Variants in GSE1 observed in about 807,000 individuals in gnomAD.
GSE1 encodes the protein Gse1 coiled-coil protein, also known as genetic suppressor element 1.
Under a neutral mutation model 112.6 loss-of-function variants are expected in GSE1, and 32 were observed. The observed-to-expected ratio is 0.28, with a 90% CI of 0.21 to 0.38. The LOEUF (loss-of-function observed/expected upper bound fraction) is 0.38. GSE1 is among the 10% of genes least tolerant of loss of function. GSE1 has a pLI of 1.00. For missense variants in GSE1, 2,348 were observed against 1,699.2 expected (o/e 1.38, Z -6.71); for synonymous variants, 1,115 against 735.6 (o/e 1.52, Z -8.35).
At chr16:85,552,998 A>G (rs1352991247), upstream of GSE1, among the ~76,000 whole-genome samples, 1 of 152,226 alleles carries the variant, frequency 6.6e-6, no homozygotes, top group Non-Finnish European at 1.5e-5. Context: ...AAAAACCAAT[A>G]TAAGAATGAC....
intron 2 of GSE1, among the ~76,000 whole-genome samples, chr16:85,440,202 A>G (rs1208306040): frequency 1.3e-5 from 2 of 152,216 alleles, no homozygotes; most frequent in Admixed American, 6.5e-5. Context: ...CACCGGGACC[A>G]GTGGGGTCTG....
In GSE1 at chr16:85,370,026, G is replaced by T. The variant is rs555332326; in HGVS notation, c.2464+12383G>T. Among the ~76,000 whole-genome samples the T allele has an allele frequency of 2.0e-5, 3 of 152,280 alleles. No homozygotes were observed. In the South Asian group the frequency reaches 6.2e-4, roughly 32 times the overall value. ...AGGGTGGCCTCAGTTAGTAACTCCC[G>T]AGTTTAGAGCTGGGAGGGCAGCCCT... On this transcript the variant is annotated intron_variant, in intron 2 of 2. Transcript: ENST00000637419.
intron 1 of GSE1, among the ~76,000 whole-genome samples, chr16:85,350,276 T>A (rs1252160266): frequency 6.6e-6 from 1 of 152,174 alleles, no homozygotes; most frequent in Non-Finnish European, 1.5e-5. Flanking sequence ...CAGCTTGGAC[T>A]CAGGCCTACG....
intron 1 of GSE1, among the ~76,000 whole-genome samples, chr16:85,262,399 A>C (rs996223953): frequency 6.6e-6 from 1 of 152,050 alleles, no homozygotes; most frequent in Non-Finnish European, 1.5e-5. Context: ...ATCGCTTTTG[A>C]CAGCTAATTA....
chr16:85,258,887 C>T (rs1301151611), intron 1 of GSE1, among the ~76,000 whole-genome samples: 1 of 152,202 alleles, frequency 6.6e-6, no homozygotes, highest in Non-Finnish European at 1.5e-5. Flanking sequence ...TGCCAACCTC[C>T]CCCCGCCAGC....
intron 2 of GSE1, among the ~76,000 whole-genome samples, chr16:85,447,996 C>A (rs2049561859): frequency 6.6e-6 from 1 of 152,164 alleles, no homozygotes; most frequent in Admixed American, 6.5e-5. Context: ...GATTGCAAAT[C>A]TTAATGGCAG....
chr16:85,437,925 C>T (rs1047970983), intron 2 of GSE1, among the ~76,000 whole-genome samples: 2 of 152,184 alleles, frequency 1.3e-5, no homozygotes, highest in Non-Finnish European at 2.9e-5. Flanking sequence ...GTACCTGCCT[C>T]CCATCATAGG....
At chr16:85,671,129 C>T in intron 15 of GSE1, 31 bp downstream of exon 15, 2 of 1,253,796 alleles carry the variant, frequency 1.6e-6, no homozygotes, top group Non-Finnish European at 2.3e-6. Context: ...AACCTTCAAA[C>T]ACGCAACCTT....
At chr16:85,509,374 A>G (rs575126278) in intron 2 of GSE1, among the ~76,000 whole-genome samples, 12 of 152,196 alleles carry the variant, frequency 7.9e-5, no homozygotes, top group African/African-American at 2.6e-4. Context: ...ACAATGGGGG[A>G]GTGGCTGGCT....
At chr16:85,600,365 G>A (rs1355308980) in intron 1 of GSE1, among the ~76,000 whole-genome samples, 1 of 152,180 alleles carries the variant, frequency 6.6e-6, no homozygotes, top group African/African-American at 2.4e-5. Context: ...GTGGGCCAAG[G>A]GGAGGGGCTG....
intron 13 of GSE1, 114 bp from the exon 14 acceptor site, chr16:85,668,026 G>A (rs1012486635): frequency 5.6e-5 from 43 of 771,442 alleles, no homozygotes; most frequent in Non-Finnish European, 7.4e-5. Context: ...CTTGGTCCCC[G>A]GAGCCCTGCA....
At chr16:85,287,712 C>T (rs986515973) in intron 1 of GSE1, among the ~76,000 whole-genome samples, 2 of 152,076 alleles carry the variant, frequency 1.3e-5, no homozygotes, top group Non-Finnish European at 2.9e-5. Context: ...CCTGACCACA[C>T]CCCCCGATGC....
intron 1 of GSE1, among the ~76,000 whole-genome samples, chr16:85,267,023 C>T (rs1172157433): frequency 6.6e-6 from 1 of 152,226 alleles, no homozygotes; most frequent in Non-Finnish European, 1.5e-5. Context: ...ACGGCTGGCT[C>T]CTTCCTGCCC....
At chr16:85,431,206 G>T (rs184897058) in intron 2 of GSE1, among the ~76,000 whole-genome samples, 3 of 152,182 alleles carry the variant, frequency 2.0e-5, no homozygotes, top group Admixed American at 6.5e-5. Flanking sequence ...CGTGAGGGGC[G>T]CGCAGGAGCC....
intron 2 of GSE1, among the ~76,000 whole-genome samples, chr16:85,646,870 C>G (rs1052754462): frequency 1.6e-5 from 2 of 128,856 alleles, no homozygotes; most frequent in African/African-American, 5.3e-5. Context: ...GTCTCGGTCA[C>G]GGGGGCTTGA....
At chr16:85,233,544 C>A (rs114259786) in intron 1 of GSE1, among the ~76,000 whole-genome samples, 1 of 152,170 alleles carries the variant, frequency 6.6e-6, no homozygotes, top group Admixed American at 6.5e-5. Flanking sequence ...ACATGTTGTA[C>A]AGTGTCTGGA....
chr16:85,444,437 A>G (rs1328858404), intron 2 of GSE1, among the ~76,000 whole-genome samples: 5 of 152,122 alleles, frequency 3.3e-5, no homozygotes, highest in Non-Finnish European at 5.9e-5. Flanking sequence ...CTGAGTTCGC[A>G]CTGCAGGAGG....
intron 1 of GSE1, among the ~76,000 whole-genome samples, chr16:85,309,409 G>A (rs548069688): frequency 1.7e-4 from 26 of 152,166 alleles, no homozygotes; most frequent in Admixed American, 4.6e-4. Flanking sequence ...CAGGAGGATC[G>A]CTTGAACCCA....
chr16:85,480,494 A>C (rs1413308253), intron 2 of GSE1, among the ~76,000 whole-genome samples: 4 of 151,592 alleles, frequency 2.6e-5, no homozygotes, highest in African/African-American at 9.7e-5. Flanking sequence ...GGGCCTCGAC[A>C]CTCCTGTGAC....
Sources: allele counts gnomAD v4.1 joint callset (sites outside exome capture counted in the v4.1 genomes callset), GRCh38; gene constraint gnomAD v4.1.1; transcripts MANE v1.5; gene names NCBI Gene and HGNC (gene_info 2026-07-23, HGNC 2026-07-21).